ATE1: variants seen among roughly 807,000 people sequenced by gnomAD.
The protein encoded by ATE1 is arginyltransferase 1, also known as arginyl-tRNA--protein transferase 1.
ATE1 carries 36 observed loss-of-function variants against 70.5 expected under a neutral mutation model. The observed-to-expected ratio is 0.51, with a 90% CI of 0.39 to 0.67. The LOEUF (loss-of-function observed/expected upper bound fraction) is 0.67, where lower values mean the gene tolerates loss of function less well. ATE1 is among the 30% of genes least tolerant of loss of function. The pLI, the probability that ATE1 is intolerant of heterozygous loss-of-function variation, is 0.00. For synonymous variants in ATE1, 232 were observed against 219.3 expected, an observed-to-expected ratio of 1.06 and a Z score of -0.51; for missense variants, 593 against 629.5, an observed-to-expected ratio of 0.94 and a Z score of 0.62.
chr10:121,928,049 G>C, upstream of ATE1: 1 of 1,229,422 alleles, frequency 8.1e-7, no homozygotes, highest in East Asian at 3.4e-5. Flanking sequence ...AGCCTCCCGA[G>C]GCTCGCGCGA....
chr10:121,809,472 C>G (rs147714613), intron 10 of ATE1, among the ~76,000 whole-genome samples: 36 of 152,242 alleles, frequency 2.4e-4, no homozygotes, highest in Non-Finnish European at 4.1e-4. Flanking sequence ...GGAAAAAACA[C>G]ATGTACTTAT....
At chr10:121,748,813 C>T (rs1944467459) in intron 11 of ATE1, among the ~76,000 whole-genome samples, 1 of 151,852 alleles carries the variant, frequency 6.6e-6, no homozygotes, top group South Asian at 2.1e-4. Flanking sequence ...ATTTTAAAAT[C>T]CTCTCATTCT....
intron 9 of ATE1, 111 bp downstream of exon 9, chr10:121,840,971 T>C (rs1034812185): frequency 3.0e-6 from 3 of 1,012,192 alleles, no homozygotes; most frequent in Admixed American, 3.5e-5. Context: ...CAAATCATTA[T>C]AATACACTGT....
At chr10:121,880,719 G>A (rs1950200746) in intron 7 of ATE1, among the ~76,000 whole-genome samples, 1 of 152,014 alleles carries the variant, frequency 6.6e-6, no homozygotes, top group Non-Finnish European at 1.5e-5. Flanking sequence ...CTGACTAGAT[G>A]AAAATCAACT....
chr10:121,886,370 G>T (rs981410985), intron 7 of ATE1, among the ~76,000 whole-genome samples: 1 of 151,622 alleles, frequency 6.6e-6, no homozygotes, highest in Non-Finnish European at 1.5e-5. Context: ...CATCTGTGTG[G>T]GCTTGCTCTG....
chr10:121,791,125 G>A (rs1285347365), intron 10 of ATE1, among the ~76,000 whole-genome samples: 4 of 136,206 alleles, frequency 2.9e-5, no homozygotes, highest in African/African-American at 1.1e-4. Context: ...ATAGATTCTT[G>A]CTCTGTCACC....
intron 1 of ATE1, among the ~76,000 whole-genome samples, chr10:121,925,424 T>G (rs1328029956): frequency 7.1e-5 from 8 of 112,284 alleles, no homozygotes; most frequent in Admixed American, 2.0e-4. Context: ...TGAAGCTCTG[T>G]CTCAAAAAAA....
At chr10:121,848,282 G>GCGTT (rs1564891854) in intron 8 of ATE1, among the ~76,000 whole-genome samples, 2 of 92,314 alleles carry the variant, frequency 2.2e-5, no homozygotes, top group Non-Finnish European at 4.6e-5. Flanking sequence ...AATCTAATGT[G>GCGTT]CGTTCATTCA....
At chr10:121,896,879 T>C (rs12244951) in intron 7 of ATE1, among the ~76,000 whole-genome samples, 18,871 of 135,456 alleles carry the variant, frequency 0.14, 1,457 homozygotes, top group East Asian at 0.2. Context: ...TCCTAACAGG[T>C]ACTCTATGTT....
intron 10 of ATE1, among the ~76,000 whole-genome samples, chr10:121,817,844 A>T (rs1347202504): frequency 6.6e-6 from 1 of 152,200 alleles, no homozygotes; most frequent in Non-Finnish European, 1.5e-5. Context: ...TCTATCATCA[A>T]CAAGGATGGT....
At chr10:121,777,098 G>A (rs975509843) in intron 11 of ATE1, among the ~76,000 whole-genome samples, 6 of 152,224 alleles carry the variant, frequency 3.9e-5, no homozygotes, top group Admixed American at 1.3e-4. Context: ...CTTAACTTAT[G>A]TAGTCTGAAT....
At chr10:121,821,033 C>G (rs548466910) in intron 10 of ATE1, among the ~76,000 whole-genome samples, 3 of 152,190 alleles carry the variant, frequency 2.0e-5, no homozygotes, top group Non-Finnish European at 4.4e-5. Flanking sequence ...CCTCCACCTC[C>G]CAGGTTCACG....
chr10:121,868,548 TTAA>T (rs1423745749), intron 8 of ATE1, among the ~76,000 whole-genome samples: 1 of 152,236 alleles, frequency 6.6e-6, no homozygotes, highest in African/African-American at 2.4e-5. Flanking sequence ...CACCTAACTC[TTAA>T]TTAAAATTCT....
chr10:121,767,564 T>G lies in ATE1; in HGVS notation c.1378+22605A>C, dbSNP rs576676585. 6.2e-4 allele frequency among the ~76,000 whole-genome samples: 95 copies of G among 152,312 alleles called. 1 individual carries two copies. In the South Asian group the frequency reaches 0.019, roughly 31 times the overall value. On this transcript the variant is annotated intron_variant, in intron 11 of 11. Transcript: ENST00000224652. ...ACAAGATCACCACATAGAAACTAGC[T>G]GCATTGCAATCACATCTGATAAAAT...
At chr10:121,809,698 G>A (rs1355787022) in intron 10 of ATE1, among the ~76,000 whole-genome samples, 1 of 151,896 alleles carries the variant, frequency 6.6e-6, no homozygotes, top group Admixed American at 6.6e-5. Flanking sequence ...TAGTTTTGAT[G>A]TCCTGGACAT....
intron 10 of ATE1, among the ~76,000 whole-genome samples, chr10:121,792,245 C>A (rs995446836): frequency 6.6e-6 from 1 of 152,118 alleles, no homozygotes; most frequent in East Asian, 1.9e-4. Flanking sequence ...CTCCAAGGAA[C>A]AGGAAATGGC....
intron 11 of ATE1, among the ~76,000 whole-genome samples, chr10:121,756,782 T>G (rs1944820453): frequency 6.6e-6 from 1 of 152,194 alleles, no homozygotes; most frequent in South Asian, 2.1e-4. Flanking sequence ...CAGGGACCCC[T>G]GGGCCCAGCC....
chr10:121,791,096 A>ATTTTTTT (rs10584053), intron 10 of ATE1, among the ~76,000 whole-genome samples: 2 of 94,422 alleles, frequency 2.1e-5, no homozygotes, highest in Admixed American at 1.0e-4. Context: ...GTGTATATAT[A>ATTTTTTT]TTTTTTTTTT....
At chr10:121,903,460 G>A (rs1951066555) in intron 5 of ATE1, among the ~76,000 whole-genome samples, 1 of 152,088 alleles carries the variant, frequency 6.6e-6, no homozygotes, top group Non-Finnish European at 1.5e-5. Context: ...GCTAAGGCGG[G>A]CAGATCACCT....
Sources: gnomAD v4.1 joint callset for allele counts (sites outside exome capture counted in the v4.1 genomes callset) on GRCh38, gnomAD v4.1.1 for gene constraint, MANE v1.5 for transcripts, NCBI Gene and HGNC (gene_info 2026-07-23, HGNC 2026-07-21) for gene names.